The following KYAT1 variants were observed in gnomAD, a reference collection of about 807,000 sequenced individuals.
KYAT1 encodes kynurenine--oxoglutarate transaminase 1.
Under a neutral mutation model 52.4 loss-of-function variants are expected in KYAT1, and 47 were observed. The observed-to-expected ratio is 0.90, with a 90% CI of 0.71 to 1.14. The LOEUF (loss-of-function observed/expected upper bound fraction) is 1.14. KYAT1 is among the 50% of genes most tolerant of loss of function. The pLI, the probability that KYAT1 is intolerant of heterozygous loss-of-function variation, is 0.00. For missense variants in KYAT1, 480 were observed against 557.9 expected, an observed-to-expected ratio of 0.86 and a Z score of 1.41; for synonymous variants, 212 against 209.6, an observed-to-expected ratio of 1.01 and a Z score of -0.10.
At chr9:128,844,550 C>T (rs962920816) in intron 2 of KYAT1, among the ~76,000 whole-genome samples, 3 of 151,382 alleles carry the variant, frequency 2.0e-5, no homozygotes, top group African/African-American at 7.3e-5. Flanking sequence ...ATTAGCTGGG[C>T]GTGGTGGCGC....
chr9:128,852,571 T>G (rs1834090493), intron 1 of KYAT1, among the ~76,000 whole-genome samples: 1 of 152,168 alleles, frequency 6.6e-6, no homozygotes, highest in Admixed American at 6.5e-5. Flanking sequence ...TAATTGACTG[T>G]TACACATTTC....
chr9:128,873,462 GA>G (rs993521746), intron 1 of KYAT1, among the ~76,000 whole-genome samples: 4 of 151,886 alleles, frequency 2.6e-5, no homozygotes, highest in African/African-American at 9.7e-5. Context: ...GTTTATCAAG[GA>G]AAAAATTTTA....
At chr9:128,851,655 CA>C in intron 1 of KYAT1, among the ~76,000 whole-genome samples, 1 of 152,228 alleles carries the variant, frequency 6.6e-6, no homozygotes, top group South Asian at 2.1e-4. Context: ...AGAACCATTT[CA>C]AATAGAAGAA....
In KYAT1 at chr9:128,857,902, C is replaced by T. The variant is rs145420678; in HGVS notation, c.-6-12491G>A. Among the ~76,000 whole-genome samples, 12 of 152,176 alleles carry T rather than the reference C, an allele frequency of 7.9e-5. No homozygotes were observed. The East Asian group carries it at 2.3e-3, about 29-fold the overall frequency. On this transcript the variant is annotated intron_variant, in intron 1 of 12. Transcript: ENST00000302586. The stretch of plus-strand genomic sequence containing the variant: ...CTAAAACAAGAAAACTAGAAGAAAA[C>T]ATAGGAATAAATCTCTGTGACCTTG...
intron 1 of KYAT1, among the ~76,000 whole-genome samples, chr9:128,846,459 C>T (rs767065381): frequency 2.6e-5 from 4 of 151,660 alleles, no homozygotes; most frequent in Non-Finnish European, 5.9e-5. Flanking sequence ...CTTATCTGGG[C>T]GTCATGACAC....
At chr9:128,845,625 C>T in intron 1 of KYAT1, 1 of 552,580 alleles carries the variant, frequency 1.8e-6, no homozygotes, top group Admixed American at 3.2e-5. Flanking sequence ...TTGACTCCAG[C>T]AGCCTCCACC....
chr9:128,851,549 G>C (rs997553577), intron 1 of KYAT1, among the ~76,000 whole-genome samples: 28 of 152,112 alleles, frequency 1.8e-4, no homozygotes, highest in African/African-American at 6.5e-4. Flanking sequence ...TAAAAGATTG[G>C]GAAAAAATTG....
intron 1 of KYAT1, among the ~76,000 whole-genome samples, chr9:128,876,889 G>C (rs1354960829): frequency 3.3e-5 from 5 of 150,300 alleles, no homozygotes; most frequent in Admixed American, 6.7e-5. Context: ...ACCACGCCCA[G>C]CTAATTTATT....
intron 1 of KYAT1, among the ~76,000 whole-genome samples, chr9:128,881,092 CT>C (rs1156336732): frequency 4.3e-4 from 65 of 151,982 alleles, no homozygotes; most frequent in Admixed American, 4.3e-3. Context: ...GCTGTTTTTT[CT>C]TTTTTTAGAC....
At position 128,835,820 on chromosome 9, in the gene KYAT1, C is replaced by T. The variant is rs779938346; in HGVS notation, c.814G>A (p.Val272Met). Reference protein sequence around the residue: ...PDHIMKHLRTVHQNSVFHCPT... With the variant: ...PDHIMKHLRTMHQNSVFHCPT... ...CAGTGGAAGACGGAGTTCTGGTGCA[C>T]GGTCCGCAGGTGCTTCATGATGTGA... Residue 272 changes from valine to methionine, a missense_variant, in exon 9 of 13, where the codon GTG becomes ATG. Physicochemically the swap from Val to Met is conservative, Grantham distance 21. Coordinates refer to ENST00000302586, the MANE Select transcript of KYAT1 (RefSeq NM_004059.5). 20 of 1,613,900 alleles carry T rather than the reference C, an allele frequency of 1.2e-5. No homozygotes were observed. Among genetic ancestry groups the T allele is most frequent in the South Asian group, 4.4e-5 (4 of 91,032 alleles).
intron 2 of KYAT1, among the ~76,000 whole-genome samples, chr9:128,844,769 C>G (rs1053222599): frequency 1.3e-5 from 2 of 152,040 alleles, no homozygotes; most frequent in Non-Finnish European, 2.9e-5. Context: ...GAGGCTGAAG[C>G]AGGAGAATCA....
At chr9:128,861,703 C>T (rs1054725852) in intron 1 of KYAT1, among the ~76,000 whole-genome samples, 1 of 152,184 alleles carries the variant, frequency 6.6e-6, no homozygotes, top group Non-Finnish European at 1.5e-5. Flanking sequence ...AGGGACATTC[C>T]TTGGTGTCAC....
At chr9:128,839,459 C>T (rs1012249315) in intron 3 of KYAT1, among the ~76,000 whole-genome samples, 1 of 151,932 alleles carries the variant, frequency 6.6e-6, no homozygotes, top group African/African-American at 2.4e-5. Flanking sequence ...CCCGTCTCTA[C>T]TAAAAATACA....
intron 1 of KYAT1, among the ~76,000 whole-genome samples, chr9:128,861,015 C>G (rs765169778): frequency 6.6e-6 from 1 of 152,228 alleles, no homozygotes; most frequent in Non-Finnish European, 1.5e-5. Context: ...GAATTACACA[C>G]AGACCCTAAG....
chr9:128,844,140 G>C (rs1010703296), intron 2 of KYAT1, among the ~76,000 whole-genome samples: 1 of 152,212 alleles, frequency 6.6e-6, no homozygotes, highest in African/African-American at 2.4e-5. Context: ...CCAGGTGGGA[G>C]AAAGGCTGGG....
chr9:128,865,129 G>A (rs1836026790), intron 1 of KYAT1, among the ~76,000 whole-genome samples: 1 of 147,512 alleles, frequency 6.8e-6, no homozygotes, highest in South Asian at 2.1e-4. Flanking sequence ...GGGAGGCTGA[G>A]GTGGGAGGAT....
chr9:128,873,074 TAAAAAA>T (rs549497155), intron 1 of KYAT1, among the ~76,000 whole-genome samples: 2 of 118,720 alleles, frequency 1.7e-5, no homozygotes, highest in African/African-American at 6.1e-5. Flanking sequence ...AGACTCCATT[TAAAAAA>T]AAAAAAAAAA....
intron 11 of KYAT1, among the ~76,000 whole-genome samples, chr9:128,834,545 C>G (rs148115339): frequency 1.6e-3 from 246 of 152,222 alleles, no homozygotes; most frequent in African/African-American, 5.5e-3. Context: ...TTCCTCAGGC[C>G]AGGCACGGTG....
At chr9:128,848,855 G>C (rs1202490035) in intron 1 of KYAT1, among the ~76,000 whole-genome samples, 1 of 151,684 alleles carries the variant, frequency 6.6e-6, no homozygotes, top group Non-Finnish European at 1.5e-5. Context: ...GGGAGGCTGG[G>C]TGTGGCTCAT....
Sources: allele counts gnomAD v4.1 joint callset (sites outside exome capture counted in the v4.1 genomes callset), GRCh38; gene constraint gnomAD v4.1.1; transcripts MANE v1.5; gene names NCBI Gene and HGNC (gene_info 2026-07-23, HGNC 2026-07-21).